Variants in TAF1 observed in about 807,000 individuals in gnomAD.
TAF1 encodes the protein transcription initiation factor TFIID subunit 1.
A neutral mutation model predicts 138.5 loss-of-function variants in TAF1; 2 were observed. The observed-to-expected ratio is 0.01, with a 90% CI of 0.01 to 0.05. TAF1 has a LOEUF of 0.05. Among genes scored for constraint, TAF1 ranks in the 10% least tolerant of loss-of-function variants. The pLI, the probability that TAF1 is intolerant of heterozygous loss-of-function variation, is 1.00. For missense variants in TAF1, 709 were observed against 1,478.0 expected (o/e 0.48, Z 8.53); for synonymous variants, 437 against 503.2 (o/e 0.87, Z 1.76).
At chrX:71,468,012 T>C (rs2147476292), downstream of TAF1, among the ~76,000 whole-genome samples, 1 of 111,398 alleles carries the variant, frequency 9.0e-6, no homozygotes, top group Non-Finnish European at 1.9e-5. Context: ...TTCCAGCACT[T>C]TTGAGAGGTC....
At chrX:71,462,049 C>G (rs1180169837) in intron 37 of TAF1, among the ~76,000 whole-genome samples, 1 of 111,599 alleles carries the variant, frequency 9.0e-6, no homozygotes, top group Non-Finnish European at 1.9e-5. Flanking sequence ...CTCAGTGTGA[C>G]TGGAGATTTT....
At chrX:71,392,302 T>C (rs1268399751) in intron 18 of TAF1, among the ~76,000 whole-genome samples, 1 of 111,252 alleles carries the variant, frequency 9.0e-6, no homozygotes, top group East Asian at 2.8e-4. Context: ...GTTCTTTATT[T>C]TTCTCCTTAT....
At chrX:71,454,260 C>G (rs1231832486) in intron 33 of TAF1, 23 bp downstream of exon 33, 1 of 1,188,662 alleles carries the variant, frequency 8.4e-7, no homozygotes, top group Non-Finnish European at 1.1e-6. Flanking sequence ...GATGGAGGTC[C>G]TAAGCCTGGG....
At chrX:71,440,687 C>G (rs1359086534) in intron 32 of TAF1, among the ~76,000 whole-genome samples, 3 of 111,279 alleles carry the variant, frequency 2.7e-5, no homozygotes, top group African/African-American at 3.3e-5. Context: ...TACATTCCCA[C>G]CAGCAATGTA....
chrX:71,494,390 T>C (rs1296606303), intron 13 of TAF1, among the ~76,000 whole-genome samples: 1 of 110,800 alleles, frequency 9.0e-6, no homozygotes, highest in Non-Finnish European at 1.9e-5. Flanking sequence ...GCCACTGCAC[T>C]CCAGCCTGGG....
intron 13 of TAF1, among the ~76,000 whole-genome samples, chrX:71,499,030 C>T (rs778038228): frequency 9.0e-6 from 1 of 111,493 alleles, no homozygotes; most frequent in South Asian, 3.8e-4. Flanking sequence ...GGCGTTTGCC[C>T]CAGGCACCCT....
chrX:71,483,151 C>CTTTTTTTTTTTTTTTT (rs35875629), intron 13 of TAF1, among the ~76,000 whole-genome samples: 1 of 74,938 alleles, frequency 1.3e-5, no homozygotes. Flanking sequence ...TTTTTCTTTT[C>CTTTTTTTTTTTTTTTT]TTTTTTTTTT....
intron 32 of TAF1, 144 bp from the exon 33 acceptor site, chrX:71,454,026 C>T (rs1387188689): frequency 2.2e-6 from 1 of 462,408 alleles, no homozygotes; most frequent in Non-Finnish European, 3.7e-6. Flanking sequence ...AATTTTCTGC[C>T]TCTGAAAGTA....
intron 32 of TAF1, among the ~76,000 whole-genome samples, chrX:71,441,368 T>C (rs2148715738): frequency 9.0e-6 from 1 of 111,558 alleles, no homozygotes; most frequent in South Asian, 3.7e-4. Flanking sequence ...CATAAGAAAT[T>C]TTTTTAATTT....
chrX:71,494,730 C>T (rs1034597273), intron 13 of TAF1, among the ~76,000 whole-genome samples: 4 of 112,248 alleles, frequency 3.6e-5, no homozygotes, highest in African/African-American at 6.5e-5. Context: ...CGGACTTTCA[C>T]GGTGAGTGTT....
intron 3 of TAF1, among the ~76,000 whole-genome samples, chrX:71,369,848 C>T (rs778920496): frequency 9.6e-4 from 103 of 107,597 alleles, no homozygotes; most frequent in African/African-American, 3.2e-3. Flanking sequence ...ATCCTGACCT[C>T]GTGATCCACC....
chrX:71,380,620 T>C (rs2033819110), intron 8 of TAF1, among the ~76,000 whole-genome samples: 1 of 111,459 alleles, frequency 9.0e-6, no homozygotes, highest in Admixed American at 9.6e-5. Flanking sequence ...TATGATATCC[T>C]ATTAGTGTAA....
intron 8 of TAF1, among the ~76,000 whole-genome samples, chrX:71,379,878 A>G (rs1424608163): frequency 8.9e-6 from 1 of 111,944 alleles, no homozygotes; most frequent in African/African-American, 3.2e-5. Context: ...CTGGGATTAC[A>G]GGCATGAGCC....
intron 13 of TAF1, among the ~76,000 whole-genome samples, chrX:71,482,475 T>A (rs935784507): frequency 1.8e-5 from 2 of 112,606 alleles, no homozygotes; most frequent in Non-Finnish European, 3.7e-5. Flanking sequence ...TGCAATAAAG[T>A]ACATATCACA....
chrX:71,493,867 C>A (rs1388173221), intron 13 of TAF1, among the ~76,000 whole-genome samples: 3 of 111,594 alleles, frequency 2.7e-5, no homozygotes, highest in Non-Finnish European at 5.7e-5. Context: ...CTTGGTGATT[C>A]TCCCCTGTAG....
chrX:71,464,161 T>A lies in TAF1; in HGVS notation c.*115T>A. ...CTGATCCTGAAATCATGAAATTAAC[T>A]AACACCTTAGCCTTTTTAAAAGTAG... is the stretch of plus-strand genomic sequence containing the variant. On this transcript the variant is annotated 3_prime_UTR_variant, in exon 38 of 38. Coordinates refer to ENST00000423759, the MANE Select transcript of TAF1 (RefSeq NM_004606.5). 1.5e-6 allele frequency: 1 copy of A among 660,934 alleles called. No individual in the cohort carries two copies. The highest frequency in any genetic ancestry group is 2.3e-6 in the Non-Finnish European group (1 of 437,433). 54.5% of individuals were successfully genotyped at this position (660,934 alleles called of 1,213,427 possible).
chrX:71,444,963 C>G (rs1244173762), intron 32 of TAF1, among the ~76,000 whole-genome samples: 1 of 109,638 alleles, frequency 9.1e-6, no homozygotes, highest in Non-Finnish European at 1.9e-5. Flanking sequence ...CTCCTGACCT[C>G]GTGATCTGCC....
intron 13 of TAF1, among the ~76,000 whole-genome samples, chrX:71,515,584 C>T (rs1012575368): frequency 9.0e-6 from 1 of 111,386 alleles, no homozygotes; most frequent in Non-Finnish European, 1.9e-5. Flanking sequence ...CCTAGAGGTT[C>T]GTATGTGACA....
chrX:71,394,009 T>TTTG, intron 21 of TAF1, 58 bp from the exon 22 acceptor site: 1 of 1,100,410 alleles, frequency 9.1e-7, no homozygotes, highest in Non-Finnish European at 1.2e-6. Flanking sequence ...AATTTTTTAC[T>TTTG]TTTGCCTGCA....
Sources: gnomAD v4.1 joint callset for allele counts (sites outside exome capture counted in the v4.1 genomes callset) on GRCh38, gnomAD v4.1.1 for gene constraint, MANE v1.5 for transcripts, NCBI Gene and HGNC (gene_info 2026-07-23, HGNC 2026-07-21) for gene names.